The following SHTN1 variants were observed in gnomAD, a reference collection of about 807,000 sequenced individuals.
The protein encoded by SHTN1 is shootin 1, also known as shootin-1.
A neutral mutation model predicts 83.1 loss-of-function variants in SHTN1; 42 were observed. The ratio of observed to expected loss-of-function variants is 0.51; its 90% CI spans 0.39 to 0.65. The LOEUF (loss-of-function observed/expected upper bound fraction) is 0.65, where lower values mean the gene tolerates loss of function less well. SHTN1 is among the 30% of genes least tolerant of loss of function. The pLI, the probability that SHTN1 is intolerant of heterozygous loss-of-function variation, is 0.00. For missense variants in SHTN1, 622 were observed against 737.8 expected, an observed-to-expected ratio of 0.84 and a Z score of 1.82; for synonymous variants, 224 against 247.7, an observed-to-expected ratio of 0.90 and a Z score of 0.90.
intron 1 of SHTN1, among the ~76,000 whole-genome samples, chr10:117,057,917 T>G (rs991633828): frequency 1.3e-5 from 2 of 152,176 alleles, no homozygotes; most frequent in African/African-American, 4.8e-5. Context: ...GAGCTAAGAC[T>G]ATTCAATAGG....
At chr10:116,911,650 G>A (rs961960301) in intron 14 of SHTN1, 140 bp downstream of exon 14, 53 of 1,564,234 alleles carry the variant, frequency 3.4e-5, no homozygotes, top group South Asian at 4.6e-5. Context: ...CTGTAAGCAC[G>A]ATCAAATAAA....
At chr10:117,082,401 T>G (rs1189192321) in intron 1 of SHTN1, among the ~76,000 whole-genome samples, 1 of 149,294 alleles carries the variant, frequency 6.7e-6, no homozygotes, top group South Asian at 2.2e-4. Flanking sequence ...GTCTGAGAGA[T>G]AGTTTGTTAT....
chr10:117,115,633 T>C (rs942571897), intron 1 of SHTN1, among the ~76,000 whole-genome samples: 9 of 152,326 alleles, frequency 5.9e-5, no homozygotes, highest in South Asian at 2.1e-4. Flanking sequence ...CTGTATCTCA[T>C]AGAAGCACTG....
chr10:116,907,162 C>T (rs1036789344), intron 14 of SHTN1, among the ~76,000 whole-genome samples: 1 of 152,096 alleles, frequency 6.6e-6, no homozygotes, highest in Non-Finnish European at 1.5e-5. Flanking sequence ...GAAGTCACAG[C>T]GGCACTGAAA....
intron 1 of SHTN1, among the ~76,000 whole-genome samples, chr10:117,071,164 T>C (rs1478194629): frequency 1.3e-5 from 2 of 152,174 alleles, no homozygotes; most frequent in East Asian, 3.9e-4. Context: ...TGAGTTTTAA[T>C]TGTCTTTTTA....
chr10:116,975,592 A>G (rs1032502628), intron 2 of SHTN1, among the ~76,000 whole-genome samples: 13 of 152,062 alleles, frequency 8.5e-5, no homozygotes, highest in African/African-American at 3.1e-4. Context: ...GTTTCCCTTC[A>G]AAAGAGCTTT....
At chr10:117,089,276 T>C (rs1157162103) in intron 1 of SHTN1, among the ~76,000 whole-genome samples, 2 of 152,196 alleles carry the variant, frequency 1.3e-5, no homozygotes, top group Non-Finnish European at 2.9e-5. Flanking sequence ...CTTGAAACAG[T>C]ACACTTAAAA....
chr10:117,102,416 CG>C (rs1379191229), intron 1 of SHTN1, among the ~76,000 whole-genome samples: 2 of 152,036 alleles, frequency 1.3e-5, no homozygotes, highest in Non-Finnish European at 2.9e-5. Context: ...TCCAAATGTT[CG>C]GGGACTTACT....
chr10:116,900,577 C>T (rs1240516124), intron 16 of SHTN1: 5 of 1,532,972 alleles, frequency 3.3e-6, no homozygotes, highest in Middle Eastern at 1.7e-4. Context: ...TCTATACACA[C>T]ACACTGAAGC....
chr10:117,070,436 T>A (rs548913409), intron 1 of SHTN1, among the ~76,000 whole-genome samples: 6 of 152,100 alleles, frequency 3.9e-5, no homozygotes, highest in Admixed American at 3.9e-4. Context: ...CTATGCTTTT[T>A]TTCCCCCTCA....
intron 6 of SHTN1, among the ~76,000 whole-genome samples, chr10:116,950,922 G>A (rs1167168276): frequency 1.3e-5 from 2 of 152,122 alleles, no homozygotes; most frequent in Admixed American, 6.5e-5. Flanking sequence ...ACTGGATGAG[G>A]CTGCTCACTG....
intron 2 of SHTN1, among the ~76,000 whole-genome samples, chr10:117,020,709 T>C (rs1171662208): frequency 1.3e-5 from 2 of 151,266 alleles, no homozygotes; most frequent in Non-Finnish European, 2.9e-5. Context: ...AGATATGAAG[T>C]TTCTAGAAGA....
intron 1 of SHTN1, among the ~76,000 whole-genome samples, chr10:117,061,440 C>T (rs1462380339): frequency 2.0e-5 from 3 of 151,928 alleles, no homozygotes; most frequent in East Asian, 1.9e-4. Flanking sequence ...TCAGGCGATC[C>T]GCCCGCCTTG....
upstream of SHTN1, among the ~76,000 whole-genome samples, chr10:117,007,691 A>G (rs1470035192): frequency 6.6e-6 from 1 of 151,566 alleles, no homozygotes; most frequent in Non-Finnish European, 1.5e-5. Flanking sequence ...GTTTATTTAT[A>G]TGATATGAAT....
At chr10:116,952,460 G>A (rs1849811579) in intron 5 of SHTN1, among the ~76,000 whole-genome samples, 1 of 152,146 alleles carries the variant, frequency 6.6e-6, no homozygotes, top group Non-Finnish European at 1.5e-5. Flanking sequence ...ATCCTGACTT[G>A]CTGCCAATTT....
chr10:116,988,815 T>C (rs927479307), intron 1 of SHTN1, among the ~76,000 whole-genome samples: 3 of 152,278 alleles, frequency 2.0e-5, no homozygotes, highest in African/African-American at 7.2e-5. Context: ...ACTGGGATTA[T>C]AGGCATGAAC....
At chr10:116,995,576 T>C (rs1851597774) in intron 1 of SHTN1, among the ~76,000 whole-genome samples, 1 of 152,190 alleles carries the variant, frequency 6.6e-6, no homozygotes, top group East Asian at 1.9e-4. Context: ...CCTCCAAAAT[T>C]TGGAAACTAT....
chr10:116,956,495 A>G (rs1025451029), intron 4 of SHTN1, among the ~76,000 whole-genome samples: 4 of 152,230 alleles, frequency 2.6e-5, no homozygotes, highest in Non-Finnish European at 5.9e-5. Flanking sequence ...CCACACAGTA[A>G]AACTTCAGTG....
chr10:117,006,252 T>G (rs28611229), upstream of SHTN1, among the ~76,000 whole-genome samples: 1 of 144,048 alleles, frequency 6.9e-6, no homozygotes, highest in Non-Finnish European at 1.5e-5. Flanking sequence ...TTTTTTTTTG[T>G]TTTTTTGTTT....
Sources: gnomAD v4.1 joint callset for allele counts (sites outside exome capture counted in the v4.1 genomes callset) on GRCh38, gnomAD v4.1.1 for gene constraint, MANE v1.5 for transcripts, NCBI Gene and HGNC (gene_info 2026-07-23, HGNC 2026-07-21) for gene names.